RALGAPB: variants seen among roughly 807,000 people sequenced by gnomAD.
RALGAPB encodes the protein ral GTPase-activating protein subunit beta.
Under a neutral mutation model 161.1 loss-of-function variants are expected in RALGAPB, and 25 were observed. The observed-to-expected ratio is 0.16, with a 90% confidence interval of 0.11 to 0.22. The LOEUF (loss-of-function observed/expected upper bound fraction) is 0.22, where lower values mean the gene tolerates loss of function less well. Among genes scored for constraint, RALGAPB ranks in the 10% least tolerant of loss-of-function variants. RALGAPB has a pLI of 1.00. For missense variants in RALGAPB, 1,391 were observed against 1,815.2 expected (o/e 0.77, Z 4.25); for synonymous variants, 629 against 626.1 (o/e 1.00, Z -0.07).
chr20:38,497,594 T>G, intron 4 of RALGAPB, 78 bp downstream of exon 4: 2 of 1,428,906 alleles, frequency 1.4e-6, no homozygotes, highest in Non-Finnish European at 1.9e-6. Flanking sequence ...AGCGGTAGAC[T>G]CATTGGGGAT....
intron 22 of RALGAPB, among the ~76,000 whole-genome samples, chr20:38,555,688 T>C (rs540888784): frequency 6.6e-6 from 1 of 152,346 alleles, no homozygotes; most frequent in East Asian, 1.9e-4. Flanking sequence ...ACTTCTGTTA[T>C]CTGTTCTAGT....
intron 1 of RALGAPB, among the ~76,000 whole-genome samples, chr20:38,476,251 C>G (rs1221463468): frequency 6.6e-6 from 1 of 152,178 alleles, no homozygotes; most frequent in Non-Finnish European, 1.5e-5. Flanking sequence ...CTGTTTAATA[C>G]GAGGTACTCA....
chr20:38,518,042 T>A, intron 9 of RALGAPB, 42 bp downstream of exon 9: 2 of 1,550,524 alleles, frequency 1.3e-6, no homozygotes, highest in Non-Finnish European at 1.8e-6. Context: ...ATTTTCCTTT[T>A]CCTTTTTCTT....
intron 26 of RALGAPB, chr20:38,569,352 C>G (rs915942729): frequency 1.3e-5 from 2 of 153,712 alleles, no homozygotes; most frequent in African/African-American, 4.8e-5. Context: ...ATTAGGGTGG[C>G]AGGAAGCCAG....
intron 5 of RALGAPB, among the ~76,000 whole-genome samples, chr20:38,504,342 C>T (rs1300682032): frequency 6.6e-6 from 1 of 152,198 alleles, no homozygotes; most frequent in African/African-American, 2.4e-5. Flanking sequence ...AAAGGACTCT[C>T]TATTCAATAA....
intron 28 of RALGAPB, among the ~76,000 whole-genome samples, chr20:38,573,098 AAAAAC>A (rs1390938289): frequency 2.0e-5 from 3 of 151,712 alleles, no homozygotes; most frequent in Non-Finnish European, 4.4e-5. Context: ...TTTAATTTAA[AAAAAC>A]AAAACAAAAC....
chr20:38,526,408 C>T (rs1030228301), intron 13 of RALGAPB, among the ~76,000 whole-genome samples: 1 of 152,050 alleles, frequency 6.6e-6, no homozygotes, highest in Non-Finnish European at 1.5e-5. Flanking sequence ...CCTGCCTCTT[C>T]CTCTTCTTCT....
intron 1 of RALGAPB, among the ~76,000 whole-genome samples, chr20:38,477,382 G>A (rs556581856): frequency 2.6e-5 from 4 of 152,296 alleles, no homozygotes; most frequent in African/African-American, 9.6e-5. Flanking sequence ...GTATTCAAAC[G>A]TTCTTTGGGT....
chr20:38,532,293 G>A (rs1160950046), intron 14 of RALGAPB, among the ~76,000 whole-genome samples: 4 of 152,152 alleles, frequency 2.6e-5, no homozygotes, highest in East Asian at 1.9e-4. Flanking sequence ...TCCTGACCTC[G>A]TGATCCGCCT....
chr20:38,552,727 G>T (rs1451773547), intron 21 of RALGAPB, among the ~76,000 whole-genome samples: 2 of 152,222 alleles, frequency 1.3e-5, no homozygotes, highest in African/African-American at 4.8e-5. Context: ...GTTCTTGGCA[G>T]TGTAATAGGG....
intron 10 of RALGAPB, among the ~76,000 whole-genome samples, chr20:38,522,969 T>A (rs1457844775): frequency 6.6e-6 from 1 of 152,178 alleles, no homozygotes; most frequent in Non-Finnish European, 1.5e-5. Context: ...GATCATTTTC[T>A]CTTATTGTAG....
chr20:38,534,970 A>G, intron 15 of RALGAPB, 104 bp from the exon 16 acceptor site: 1 of 1,391,338 alleles, frequency 7.2e-7, no homozygotes, highest in Admixed American at 1.8e-5. Context: ...CGTCGTTCTC[A>G]CTGTGGCTGC....
At chr20:38,490,500 G>C (rs549231564) in intron 2 of RALGAPB, among the ~76,000 whole-genome samples, 1 of 148,250 alleles carries the variant, frequency 6.7e-6, no homozygotes, top group African/African-American at 2.5e-5. Flanking sequence ...GAGCCACCGC[G>C]CCCGGCCTAT....
At position 38,575,287 on chromosome 20, in the gene RALGAPB, C is replaced by T. The variant is rs1376262256; in HGVS notation, c.*320C>T. 4.4e-6 allele frequency: 1 copy of T among 227,374 alleles called. No individual in the cohort carries two copies. Among genetic ancestry groups the T allele is most frequent in the South Asian group, 8.6e-5 (1 of 11,582 alleles). 14.1% of individuals were successfully genotyped at this position (227,374 alleles called of 1,614,324 possible). A position where few individuals can be genotyped will look rare whatever the true frequency, so the allele number is the denominator to read the frequency against. ...GGCTTTTATGCATCTCAGTTAAACA[C>T]GTGCATTGGTAGTATCAACAAATTT... On this transcript the variant is annotated 3_prime_UTR_variant, in exon 30 of 30. Transcript: ENST00000262879.
At chr20:38,522,626 C>T (rs1444055396) in intron 10 of RALGAPB, among the ~76,000 whole-genome samples, 1 of 152,104 alleles carries the variant, frequency 6.6e-6, no homozygotes, top group Non-Finnish European at 1.5e-5. Flanking sequence ...TGCATACTTG[C>T]TAGGTTCTCA....
chr20:38,552,158 G>A (rs1251717237), intron 21 of RALGAPB, among the ~76,000 whole-genome samples: 2 of 129,816 alleles, frequency 1.5e-5, no homozygotes, highest in Non-Finnish European at 3.4e-5. Flanking sequence ...TTTTTTTTCT[G>A]AGATGGAGTT....
chr20:38,555,062 T>A (rs1240037579), intron 22 of RALGAPB, among the ~76,000 whole-genome samples: 1 of 152,196 alleles, frequency 6.6e-6, no homozygotes, highest in Non-Finnish European at 1.5e-5. Context: ...CCAGCCTGGT[T>A]GACAGAGTGA....
chr20:38,496,252 C>G (rs2085424868), intron 3 of RALGAPB, among the ~76,000 whole-genome samples: 1 of 152,100 alleles, frequency 6.6e-6, no homozygotes, highest in South Asian at 2.1e-4. Flanking sequence ...GCTTGCAACT[C>G]TAGGGTAAGT....
intron 1 of RALGAPB, among the ~76,000 whole-genome samples, chr20:38,477,638 T>A (rs1201292272): frequency 6.6e-6 from 1 of 152,222 alleles, no homozygotes; most frequent in African/African-American, 2.4e-5. Flanking sequence ...GTTTATTTAT[T>A]TGCTCAGTGT....
Sources: gnomAD v4.1 joint callset for allele counts (sites outside exome capture counted in the v4.1 genomes callset) on GRCh38, gnomAD v4.1.1 for gene constraint, MANE v1.5 for transcripts, NCBI Gene and HGNC (gene_info 2026-07-23, HGNC 2026-07-21) for gene names.